The following CACNB2 variants were observed in gnomAD, a reference collection of about 807,000 sequenced individuals.
CACNB2 encodes the protein voltage-dependent L-type calcium channel subunit beta-2.
CACNB2 carries 42 observed loss-of-function variants against 73.3 expected under a neutral mutation model. That is an observed-to-expected ratio of 0.57 (90% CI 0.45 to 0.74). The LOEUF (loss-of-function observed/expected upper bound fraction) is 0.74, where lower values mean the gene tolerates loss of function less well. CACNB2 is among the 30% of genes least tolerant of loss of function. The pLI is 0.00. For synonymous variants in CACNB2, 348 were observed against 310.3 expected (o/e 1.12, Z -1.28); for missense variants, 940 against 853.0 (o/e 1.10, Z -1.27).
At chr10:18,304,688 G>C (rs1222757788) in intron 2 of CACNB2, among the ~76,000 whole-genome samples, 1 of 152,174 alleles carries the variant, frequency 6.6e-6, no homozygotes. Context: ...CATCCTCTCT[G>C]TATTCTGTAT....
At chr10:18,536,436 T>C (rs968678544) in intron 12 of CACNB2, among the ~76,000 whole-genome samples, 8 of 151,340 alleles carry the variant, frequency 5.3e-5, no homozygotes, top group Non-Finnish European at 1.2e-4. Context: ...CTTTTTTTTT[T>C]CCCCCTGTAG....
intron 2 of CACNB2, among the ~76,000 whole-genome samples, chr10:18,157,713 C>A (rs1283148166): frequency 6.6e-6 from 1 of 152,008 alleles, no homozygotes; most frequent in African/African-American, 2.4e-5. Context: ...GATTCTTGTC[C>A]TTATTGGTTA....
intron 2 of CACNB2, among the ~76,000 whole-genome samples, chr10:18,262,610 T>G (rs1196506214): frequency 6.6e-6 from 1 of 152,178 alleles, no homozygotes; most frequent in African/African-American, 2.4e-5. Flanking sequence ...TGTTACAAAC[T>G]TTTTAGAGTA....
intron 2 of CACNB2, among the ~76,000 whole-genome samples, chr10:18,350,086 A>G (rs2041641857): frequency 6.6e-6 from 1 of 152,098 alleles, no homozygotes; most frequent in Non-Finnish European, 1.5e-5. Context: ...TCTACTAAAA[A>G]TACAAAAAAT....
intron 2 of CACNB2, among the ~76,000 whole-genome samples, chr10:18,367,374 A>G (rs977421991): frequency 6.6e-6 from 1 of 152,188 alleles, no homozygotes; most frequent in Non-Finnish European, 1.5e-5. Context: ...CGTCTTCTGA[A>G]AAGGTATTTT....
At position 18,369,829 on chromosome 10, in the gene CACNB2, C is replaced by T. The variant is rs532810699; in HGVS notation, c.214-32095C>T. Among the ~76,000 whole-genome samples, 3 of 152,282 alleles carry T rather than the reference C, an allele frequency of 2.0e-5. No individual in the cohort carries two copies. The South Asian group carries it at 6.2e-4, about 32-fold the overall frequency. On this transcript the variant is annotated intron_variant, in intron 2 of 13. Coordinates refer to ENST00000324631, the MANE Select transcript of CACNB2 (RefSeq NM_201596.3). ...GGCTGAGGCAGGAGAATCACTTGAACCTGGGAGGCAGAGGTTGCAGAGAGC... is the reference window on the plus strand; with the variant it reads ...GGCTGAGGCAGGAGAATCACTTGAATCTGGGAGGCAGAGGTTGCAGAGAGC...
intron 2 of CACNB2, among the ~76,000 whole-genome samples, chr10:18,224,669 T>C (rs375855150): frequency 1.3e-5 from 2 of 152,140 alleles, no homozygotes; most frequent in East Asian, 3.9e-4. Flanking sequence ...AGGTTATGCT[T>C]GGGAACAGAA....
intron 3 of CACNB2, among the ~76,000 whole-genome samples, chr10:18,416,894 C>T (rs2045000387): frequency 6.6e-6 from 1 of 151,264 alleles, no homozygotes; most frequent in South Asian, 2.1e-4. Flanking sequence ...GGATCTTGCC[C>T]AAGCTCACTG....
At chr10:18,172,560 G>A (rs1414421053) in intron 2 of CACNB2, among the ~76,000 whole-genome samples, 1 of 152,098 alleles carries the variant, frequency 6.6e-6, no homozygotes, top group East Asian at 1.9e-4. Context: ...CAGAGTTGAA[G>A]GTGTCAGAGC....
intron 2 of CACNB2, among the ~76,000 whole-genome samples, chr10:18,397,061 A>AAAATATTT (rs2043748214): frequency 6.6e-6 from 1 of 152,240 alleles, no homozygotes; most frequent in Admixed American, 6.5e-5. Context: ...TGGGCTTTAA[A>AAAATATTT]AGAGAAAAAT....
intron 10 of CACNB2, among the ~76,000 whole-genome samples, chr10:18,530,620 G>GA: frequency 6.6e-6 from 1 of 151,732 alleles, no homozygotes; most frequent in Non-Finnish European, 1.5e-5. Flanking sequence ...TACTAAAAGT[G>GA]AAAAACAGAA....
chr10:18,502,189 C>T (rs1476099217), intron 5 of CACNB2, among the ~76,000 whole-genome samples: 2 of 152,052 alleles, frequency 1.3e-5, no homozygotes, highest in Non-Finnish European at 2.9e-5. Flanking sequence ...AGCCTGTAAT[C>T]CTAGCTACTC....
At chr10:18,182,432 C>A (rs1220166919) in intron 2 of CACNB2, among the ~76,000 whole-genome samples, 2 of 151,714 alleles carry the variant, frequency 1.3e-5, no homozygotes, top group Non-Finnish European at 2.9e-5. Context: ...AATAATAATT[C>A]ATTATGTTGC....
intron 2 of CACNB2, among the ~76,000 whole-genome samples, chr10:18,325,926 G>C (rs2040572658): frequency 6.6e-6 from 1 of 151,888 alleles, no homozygotes; most frequent in African/African-American, 2.4e-5. Flanking sequence ...TGTACTTTTT[G>C]TAGAGATGTA....
chr10:18,395,084 T>C (rs559916967), intron 2 of CACNB2, among the ~76,000 whole-genome samples: 4 of 152,298 alleles, frequency 2.6e-5, no homozygotes, highest in South Asian at 2.1e-4. Flanking sequence ...CCTGAGTATA[T>C]ATCACATGCA....
intron 2 of CACNB2, among the ~76,000 whole-genome samples, chr10:18,338,737 C>CAT (rs1339752135): frequency 8.9e-6 from 1 of 112,400 alleles, no homozygotes; most frequent in Non-Finnish European, 1.8e-5. Flanking sequence ...TTCCTTCTTT[C>CAT]CTTTTTTTTT....
chr10:18,528,516 G>A (rs2052697085), intron 10 of CACNB2, among the ~76,000 whole-genome samples: 1 of 152,042 alleles, frequency 6.6e-6, no homozygotes, highest in African/African-American at 2.4e-5. Flanking sequence ...CTGTTTATAG[G>A]TTAGATATAC....
intron 9 of CACNB2, among the ~76,000 whole-genome samples, chr10:18,526,579 T>G (rs1331897119): frequency 1.3e-5 from 2 of 152,230 alleles, no homozygotes; most frequent in Non-Finnish European, 1.5e-5. Flanking sequence ...GCTTCACAGC[T>G]TTTTCCTACT....
intron 2 of CACNB2, among the ~76,000 whole-genome samples, chr10:18,394,506 A>G (rs538712887): frequency 6.6e-6 from 1 of 152,280 alleles, no homozygotes; most frequent in Non-Finnish European, 1.5e-5. Context: ...TTTGACTGCT[A>G]AAGGTTTACT....
Sources: allele counts gnomAD v4.1 joint callset (sites outside exome capture counted in the v4.1 genomes callset), GRCh38; gene constraint gnomAD v4.1.1; transcripts MANE v1.5; gene names NCBI Gene and HGNC (gene_info 2026-07-23, HGNC 2026-07-21).